OSBP2: variants seen among roughly 807,000 people sequenced by gnomAD.
OSBP2 encodes oxysterol-binding protein 2.
OSBP2 carries 66 observed loss-of-function variants against 96.0 expected under a neutral mutation model. The ratio of observed to expected loss-of-function variants is 0.69; its 90% CI spans 0.56 to 0.84. The LOEUF is 0.84. OSBP2 is among the 40% of genes least tolerant of loss of function. OSBP2 has a pLI of 0.00. For missense variants in OSBP2, 1,038 were observed against 1,222.7 expected (o/e 0.85, Z 2.25); for synonymous variants, 525 against 520.9 (o/e 1.01, Z -0.11).
At chr22:30,767,210 T>C (rs894324394) in intron 2 of OSBP2, among the ~76,000 whole-genome samples, 3 of 150,024 alleles carry the variant, frequency 2.0e-5, no homozygotes, top group African/African-American at 7.4e-5. Flanking sequence ...CTCTGGAGGC[T>C]GAGCCAGGAG....
In OSBP2 at chr22:30,790,699, A is replaced by C. The variant is rs377620019; in HGVS notation, c.853+49330A>C. ...GGAGCATACTTTATAGGTTAAAGGA[A>C]ATTTTTTTGATATGTGGTAATTTAC... On this transcript the variant is annotated intron_variant, in intron 2 of 13. Transcript: ENST00000332585. 3.3e-5 allele frequency among the ~76,000 whole-genome samples: 5 copies of C among 152,220 alleles called. No individual in the cohort carries two copies. In the East Asian group the frequency reaches 9.7e-4, roughly 29 times the overall value.
Position 30,768,536 on chromosome 22 carries a change from G to A in OSBP2, c.853+27167G>A, listed in dbSNP as rs538578997. ...TACTAAAACTATAAAAGTTATCTGG[G>A]CATGGTGGCATATGCCTGTAGTCCC... On this transcript the variant is annotated intron_variant, in intron 2 of 13. Transcript: ENST00000332585. 5.3e-5 allele frequency among the ~76,000 whole-genome samples: 8 copies of A among 152,140 alleles called. No individual in the cohort carries two copies. The South Asian group carries it at 1.5e-3, about 28-fold the overall frequency.
At chr22:30,790,311 G>C (rs377567956) in intron 2 of OSBP2, among the ~76,000 whole-genome samples, 1 of 152,074 alleles carries the variant, frequency 6.6e-6, no homozygotes, top group African/African-American at 2.4e-5. Flanking sequence ...GGAGGGGGGG[G>C]CGGGGAAAGC....
chr22:30,725,868 C>A (rs2089641681), intron 1 of OSBP2, among the ~76,000 whole-genome samples: 1 of 151,704 alleles, frequency 6.6e-6, no homozygotes. Flanking sequence ...AGCTCACTGC[C>A]TCCCAGGTTC....
At chr22:30,757,126 C>T (rs534329246) in intron 2 of OSBP2, among the ~76,000 whole-genome samples, 1 of 152,110 alleles carries the variant, frequency 6.6e-6, no homozygotes, top group African/African-American at 2.4e-5. Flanking sequence ...TGTGTGAGTC[C>T]CTCACCACCT....
At chr22:30,822,023 TC>T (rs1231205111) in intron 2 of OSBP2, among the ~76,000 whole-genome samples, 2 of 152,292 alleles carry the variant, frequency 1.3e-5, no homozygotes, top group African/African-American at 4.8e-5. Flanking sequence ...GGAGCCCAGC[TC>T]CCCGGGGCCC....
chr22:30,856,710 C>G (rs946071249), intron 2 of OSBP2, among the ~76,000 whole-genome samples: 1 of 151,578 alleles, frequency 6.6e-6, no homozygotes, highest in Non-Finnish European at 1.5e-5. Context: ...TTTTGAGGAA[C>G]AATTATTCAC....
At chr22:30,775,357 C>T (rs1387629737) in intron 2 of OSBP2, among the ~76,000 whole-genome samples, 1 of 152,000 alleles carries the variant, frequency 6.6e-6, no homozygotes, top group Non-Finnish European at 1.5e-5. Flanking sequence ...CCTGCAATCC[C>T]AGCACTTTGG....
Position 30,889,515 on chromosome 22 carries a change from C to T in OSBP2, c.1502C>T (p.Pro501Leu). ...DNVLDGASLV[P>L]KGSSKVKRRV... is the part of the protein sequence containing the mutation. ...GTACTAGATGGTGCCTCGCTCGTGC[C>T]CAAGGGTTCATCCAAAGTCAAGAGG... The change falls in exon 7 of 14, where the codon CCC becomes CTC. Residue 501 changes from proline (P) to leucine (L), a missense_variant. This residue lies in a region of OSBP2 where 737 missense variants were observed against 913.3 expected (regional missense o/e 0.81). Transcript: ENST00000332585. 6.2e-7 allele frequency: 1 copy of T among 1,614,098 alleles called. No individual in the cohort carries two copies. The highest frequency in any genetic ancestry group is 8.5e-7 in the Non-Finnish European group (1 of 1,180,008).
chr22:30,730,804 A>ATTT (rs1569100704), intron 1 of OSBP2, among the ~76,000 whole-genome samples: 23 of 46,282 alleles, frequency 5.0e-4, no homozygotes, highest in East Asian at 2.1e-3. Flanking sequence ...ATATATATAT[A>ATTT]TATAATTTTT....
chr22:30,775,096 T>G (rs1391947849), intron 2 of OSBP2, among the ~76,000 whole-genome samples: 1 of 152,140 alleles, frequency 6.6e-6, no homozygotes, highest in Non-Finnish European at 1.5e-5. Flanking sequence ...TTAAAGGCAT[T>G]TAGTACATTC....
chr22:30,859,904 C>T (rs2039175006), intron 2 of OSBP2, among the ~76,000 whole-genome samples: 2 of 152,274 alleles, frequency 1.3e-5, no homozygotes, highest in South Asian at 4.2e-4. Flanking sequence ...GGAGAGGGAG[C>T]CCTGGAGCCA....
At chr22:30,810,626 TATACCTGA>T (rs2090993079) in intron 2 of OSBP2, among the ~76,000 whole-genome samples, 1 of 152,184 alleles carries the variant, frequency 6.6e-6, no homozygotes, top group Non-Finnish European at 1.5e-5. Context: ...AGACAGGTAC[TATACCTGA>T]GCCCCCGCCC....
chr22:30,894,117 A>G, intron 12 of OSBP2, 116 bp downstream of exon 12: 1 of 798,320 alleles, frequency 1.3e-6, no homozygotes, highest in Non-Finnish European at 2.0e-6. Context: ...ACATGGGCAG[A>G]GAACAGTATT....
chr22:30,788,682 A>T (rs1471386567), intron 2 of OSBP2, among the ~76,000 whole-genome samples: 1 of 152,162 alleles, frequency 6.6e-6, no homozygotes, highest in Non-Finnish European at 1.5e-5. Context: ...TTGACTTTTA[A>T]GTCAGGGCAT....
At chr22:30,883,565 G>C (rs932315568) in intron 3 of OSBP2, among the ~76,000 whole-genome samples, 1 of 152,206 alleles carries the variant, frequency 6.6e-6, no homozygotes, top group South Asian at 2.1e-4. Context: ...AGGGCAATGT[G>C]GGGAGGAGGG....
rs2040343717 is a variant in OSBP2 at position 30,906,658 on chromosome 22, C to T, written c.*319C>T. On this transcript the variant is annotated 3_prime_UTR_variant, in exon 14 of 14. Coordinates refer to ENST00000332585, the MANE Select transcript of OSBP2 (RefSeq NM_030758.4). ...CCGGGCCATGGGCTGCGCAAATCAC[C>T]AGCCCCCAACCCAGGGAGGAACTGG... is the stretch of plus-strand genomic sequence containing the variant. 3.9e-6 allele frequency: 1 copy of T among 259,234 alleles called. No individual in the cohort carries two copies. Among genetic ancestry groups the T allele is most frequent in the Non-Finnish European group, 7.2e-6 (1 of 138,022 alleles). 16.1% of individuals were successfully genotyped at this position (259,234 alleles called of 1,614,324 possible). A position where few individuals can be genotyped will look rare whatever the true frequency, so the allele number is the denominator to read the frequency against.
intron 1 of OSBP2, among the ~76,000 whole-genome samples, chr22:30,724,624 C>T (rs2089611436): frequency 6.6e-6 from 1 of 152,178 alleles, no homozygotes; most frequent in African/African-American, 2.4e-5. Context: ...CACTGAAGGA[C>T]ATTTTGGTTG....
chr22:30,761,088 A>G (rs1012834815), intron 2 of OSBP2, among the ~76,000 whole-genome samples: 5 of 152,252 alleles, frequency 3.3e-5, no homozygotes, highest in African/African-American at 1.2e-4. Flanking sequence ...CTCACCCCTC[A>G]TATTCATCCT....
Sources: gnomAD v4.1 joint callset for allele counts (sites outside exome capture counted in the v4.1 genomes callset) on GRCh38, gnomAD v4.1.1 for gene constraint, gnomAD v4.1.1 regional missense constraint, MANE v1.5 for transcripts, NCBI Gene and HGNC (gene_info 2026-07-23, HGNC 2026-07-21) for gene names.